The following PCGF3 variants were observed in gnomAD, a reference collection of about 807,000 sequenced individuals.
PCGF3 encodes polycomb group RING finger protein 3.
In PCGF3, 7 loss-of-function variants were observed where a neutral mutation model predicts 33.1. That is an observed-to-expected ratio of 0.21 (90% CI 0.12 to 0.40). PCGF3 has a LOEUF of 0.40. PCGF3 is among the 10% of genes least tolerant of loss of function. The pLI is 1.00. For synonymous variants in PCGF3, 153 were observed against 121.3 expected (o/e 1.26, Z -1.72); for missense variants, 211 against 313.3 (o/e 0.67, Z 2.46).
intron 8 of PCGF3, among the ~76,000 whole-genome samples, chr4:756,156 T>A (rs1484426817): frequency 5.3e-5 from 8 of 151,516 alleles, no homozygotes; most frequent in Admixed American, 3.3e-4. Context: ...CTCAGGTGAT[T>A]CACCCGCCTC....
At chr4:763,340 C>A (rs1193407395) in intron 9 of PCGF3, among the ~76,000 whole-genome samples, 1 of 152,082 alleles carries the variant, frequency 6.6e-6, no homozygotes, top group Non-Finnish European at 1.5e-5. Flanking sequence ...AGAGGTTGGC[C>A]ATTTCCCAGC....
intron 5 of PCGF3, among the ~76,000 whole-genome samples, chr4:735,274 C>T (rs948955077): frequency 6.6e-6 from 1 of 152,228 alleles, no homozygotes; most frequent in African/African-American, 2.4e-5. Flanking sequence ...AGGCCGGGCG[C>T]AGGGGCTCAT....
At chr4:739,546 C>T (rs13133410) in intron 6 of PCGF3, among the ~76,000 whole-genome samples, 34,057 of 152,184 alleles carry the variant, frequency 0.22, 4,511 homozygotes, top group Admixed American at 0.34. Flanking sequence ...CACGGGCCTC[C>T]TTCTGGTTCC....
At chr4:762,201 A>G (rs1156659426) in intron 9 of PCGF3, 1 of 599,222 alleles carries the variant, frequency 1.7e-6, no homozygotes, top group African/African-American at 2.0e-5. Context: ...ATATAATTAA[A>G]TAAAGGATTT....
Position 733,801 on chromosome 4 carries a change from G to A in PCGF3, c.109+12G>A. The stretch of plus-strand genomic sequence containing the variant: ...GTGTCTGCACACCTGTACGTGCCCT[G>A]CCCGCGCCACCCAGGGAGGGCGCGC... On this transcript the variant is annotated intron_variant, in intron 4 of 10. Coordinates refer to ENST00000362003, the Ensembl canonical transcript of PCGF3. 1.2e-6 allele frequency: 2 copies of A among 1,613,738 alleles called. No individual in the cohort carries two copies. The highest frequency in any genetic ancestry group is 1.7e-6 in the Non-Finnish European group (2 of 1,180,022).
At chr4:749,392 G>A (rs1744409820) in intron 8 of PCGF3, among the ~76,000 whole-genome samples, 1 of 150,300 alleles carries the variant, frequency 6.7e-6, no homozygotes, top group South Asian at 2.1e-4. Flanking sequence ...TTGAACTCTT[G>A]ACCTCGGGTG....
chr4:749,188 A>C (rs1395933719), intron 8 of PCGF3, among the ~76,000 whole-genome samples: 2 of 152,090 alleles, frequency 1.3e-5, no homozygotes, highest in Non-Finnish European at 2.9e-5. Context: ...TTTTGAGATG[A>C]AGTTTTGCTC....
exon 11 of PCGF3, chr4:768,137 G>C (rs1745460097): frequency 6.5e-6 from 1 of 152,696 alleles, no homozygotes; most frequent in African/African-American, 2.4e-5. Context: ...TAAATACACA[G>C]ACGGGCGAGT....
At chr4:753,383 G>T (rs908715623) in intron 8 of PCGF3, among the ~76,000 whole-genome samples, 1 of 152,090 alleles carries the variant, frequency 6.6e-6, no homozygotes, top group Non-Finnish European at 1.5e-5. Flanking sequence ...GGCCGGGTGC[G>T]GTGGCTCACG....
At chr4:756,994 T>G (rs1744797574) in intron 8 of PCGF3, 1 of 152,244 alleles carries the variant, frequency 6.6e-6, no homozygotes, top group South Asian at 2.1e-4. Context: ...TTAGTGTATT[T>G]AAATAGGTAA....
At chr4:731,463 C>T (rs2109595707) in intron 3 of PCGF3, 1 of 308,584 alleles carries the variant, frequency 3.2e-6, no homozygotes, top group South Asian at 9.1e-5. Context: ...CAGGGAGGTC[C>T]TCAGGGGCGC....
chr4:737,657 C>T (rs1017754140), intron 6 of PCGF3, 136 bp downstream of exon 6: 1 of 647,890 alleles, frequency 1.5e-6, no homozygotes, highest in Admixed American at 2.8e-5. Flanking sequence ...TCCCTGCTCT[C>T]AGCCCAACTT....
intron 3 of PCGF3, chr4:731,469 G>A (rs1743556084): frequency 1.3e-5 from 4 of 298,510 alleles, no homozygotes; most frequent in Non-Finnish European, 2.5e-5. Flanking sequence ...GGTCCTCAGG[G>A]GCGCAGGGCA....
At chr4:712,046 T>C (rs1742593764) in intron 1 of PCGF3, among the ~76,000 whole-genome samples, 1 of 152,168 alleles carries the variant, frequency 6.6e-6, no homozygotes. Context: ...TTTCCTATTG[T>C]TTATCTATTT....
At chr4:762,262 C>T (rs1290039025) in intron 9 of PCGF3, 8 of 245,062 alleles carry the variant, frequency 3.3e-5, no homozygotes, top group Non-Finnish European at 4.6e-5. Flanking sequence ...TCCCATGACA[C>T]AAGTGAGGCG....
chr4:743,071 G>A (rs906852933), intron 6 of PCGF3, among the ~76,000 whole-genome samples: 6 of 152,206 alleles, frequency 3.9e-5, no homozygotes, highest in African/African-American at 1.2e-4. Context: ...TGGCTCAGCC[G>A]TGAGGTCAGC....
At chr4:732,851 G>A (rs980387132) in intron 3 of PCGF3, among the ~76,000 whole-genome samples, 3 of 152,364 alleles carry the variant, frequency 2.0e-5, no homozygotes, top group African/African-American at 7.2e-5. Context: ...CTCCGCACGC[G>A]GAGCGGCCCT....
chr4:735,045 C>G lies in PCGF3; in HGVS notation c.206+18C>G, dbSNP rs766140221. The G allele has an allele frequency of 6.2e-7, 1 of 1,608,808 alleles. No homozygotes were observed. Among genetic ancestry groups the G allele is most frequent in the African/African-American group, 1.3e-5 (1 of 75,004 alleles). On this transcript the variant is annotated intron_variant, in intron 5 of 10. Transcript: ENST00000362003. ...TACATCGGGTGAGTGTGGGCCTTCC[C>G]AGGCCACAGTACGTGGGGTGAGTGC...
At chr4:722,636 C>T (rs1160632132) in intron 1 of PCGF3, among the ~76,000 whole-genome samples, 1 of 143,754 alleles carries the variant, frequency 7.0e-6, no homozygotes, top group African/African-American at 2.6e-5. Flanking sequence ...CATCGCCGTC[C>T]GCGCCGGGTC....
Sources: allele counts gnomAD v4.1 joint callset (sites outside exome capture counted in the v4.1 genomes callset), GRCh38; gene constraint gnomAD v4.1.1; transcripts MANE v1.5; gene names NCBI Gene and HGNC (gene_info 2026-07-23, HGNC 2026-07-21).